Variants in TECPR1 observed in about 807,000 individuals in gnomAD.
The protein encoded by TECPR1 is tectonin beta-propeller repeat-containing protein 1.
Under a neutral mutation model 162.4 loss-of-function variants are expected in TECPR1, and 122 were observed. The observed-to-expected ratio is 0.75, with a 90% confidence interval of 0.65 to 0.87. The LOEUF is 0.87. TECPR1 is among the 40% of genes least tolerant of loss of function. The pLI, the probability that TECPR1 is intolerant of heterozygous loss-of-function variation, is 0.00. For missense variants in TECPR1, 1,432 were observed against 1,618.2 expected (o/e 0.88, Z 1.97); for synonymous variants, 642 against 670.6 (o/e 0.96, Z 0.66).
intron 19 of TECPR1, among the ~76,000 whole-genome samples, chr7:98,223,977 GGGGTCTCCCTGGGGAAGGGGGTC>G (rs1399870768): frequency 2.6e-5 from 4 of 152,058 alleles, no homozygotes; most frequent in Non-Finnish European, 5.9e-5. Flanking sequence ...CCCAGGGGCA[GGGGTCTCCCTGGGGAAGGGGGTC>G]GGGCCTCCCT....
At chr7:98,239,429 C>T (rs1425897953) in intron 8 of TECPR1, among the ~76,000 whole-genome samples, 2 of 152,170 alleles carry the variant, frequency 1.3e-5, no homozygotes, top group Non-Finnish European at 2.9e-5. Context: ...GTGGTACACG[C>T]TTGGAACCCC....
chr7:98,217,554 G>A (rs1562931201), intron 25 of TECPR1, 51 bp from the exon 26 acceptor site: 1 of 1,546,444 alleles, frequency 6.5e-7, no homozygotes, highest in Non-Finnish European at 8.7e-7. Flanking sequence ...CGAGGATCCT[G>A]GAGGGGATCT....
Position 98,244,945 on chromosome 7 carries a change from C to T in TECPR1, c.348G>A (p.Trp116Ter). The part of the protein sequence containing the change: ...LDRVALPSPH[W>*]EWESDWYVDE... ...CCACGTACCAGTCAGACTCCCACTCCCAGTGCGGCGAGGGCAGTGCCACCC... is the reference window on the plus strand; with the variant it reads ...CCACGTACCAGTCAGACTCCCACTCTCAGTGCGGCGAGGGCAGTGCCACCC... The change falls in exon 4 of 26, where the codon TGG (tryptophan) becomes TGA (stop). Residue 116 changes from tryptophan (W) to a stop codon, truncating the protein, a stop_gained. Coordinates refer to ENST00000447648, the MANE Select transcript of TECPR1 (RefSeq NM_015395.3). LOFTEE classifies it high-confidence loss of function. 6.2e-7 allele frequency: 1 copy of T among 1,613,036 alleles called. No homozygotes were observed. The highest frequency in any genetic ancestry group is 8.5e-7 in the Non-Finnish European group (1 of 1,179,866).
chr7:98,251,877 C>T (rs1371366334), intron 1 of TECPR1: 1 of 152,314 alleles, frequency 6.6e-6, no homozygotes, highest in African/African-American at 2.4e-5. Context: ...GGCTCCAGTC[C>T]AAAGGCTGGA....
intron 17 of TECPR1, among the ~76,000 whole-genome samples, chr7:98,227,126 G>C (rs1352297963): frequency 1.3e-5 from 2 of 152,124 alleles, no homozygotes; most frequent in Admixed American, 6.6e-5. Flanking sequence ...AGGTGTGGTG[G>C]CTCGCACCTG....
At chr7:98,244,516 G>A in intron 5 of TECPR1, 55 bp downstream of exon 5, 1 of 1,544,618 alleles carries the variant, frequency 6.5e-7, no homozygotes, top group Non-Finnish European at 8.8e-7. Context: ...GAGGCTGCAT[G>A]TGACACTCTG....
Position 98,228,014 on chromosome 7 carries a change from C to T in TECPR1, c.2513G>A (p.Arg838Lys). The stretch of plus-strand genomic sequence containing the variant: ...CTGGCCGGGCACCTGTGCCACTTAC[C>T]TGCTGGTGTAGCCTGTGACGGGGTT... ...RWNPVTGYTS[R>K]GLPTDRYMWS... is the part of the protein sequence containing the mutation. The change falls in exon 17 of 26, where the codon AGG (arginine) becomes AAG (lysine). Residue 838 changes from arginine (R) to lysine (K), a missense_variant and splice_region_variant. Coordinates refer to ENST00000447648, the MANE Select transcript of TECPR1 (RefSeq NM_015395.3). The T allele has an allele frequency of 1.9e-6, 3 of 1,611,312 alleles. No individual in the cohort carries two copies. The highest frequency in any genetic ancestry group is 2.5e-6 in the Non-Finnish European group (3 of 1,178,968).
Position 98,232,080 on chromosome 7 carries a change from C to T in TECPR1, c.1819-121G>A, listed in dbSNP as rs539438739. On this transcript the variant is annotated intron_variant, in intron 12 of 25. Coordinates refer to ENST00000447648, the MANE Select transcript of TECPR1 (RefSeq NM_015395.3). This position sits in a 1 kb window ranked among gnomAD's most constrained non-coding sequence, Gnocchi z 4.6. ...TGGGGTAGGGCCCACCCAGCACTCC[C>T]GGCTGTCAGCCCAGCTCCCCCTATG... 8.5e-6 allele frequency: 9 copies of T among 1,053,508 alleles called. No individual in the cohort carries two copies. Among genetic ancestry groups the T allele is most frequent in the East Asian group, 7.9e-5 (3 of 38,082 alleles). The allele number at this position is 1,053,508 out of a possible 1,614,324, so 65.3% of individuals were successfully genotyped here.
chr7:98,245,269 T>C (rs1798876070), intron 3 of TECPR1, among the ~76,000 whole-genome samples: 1 of 152,156 alleles, frequency 6.6e-6, no homozygotes, highest in Non-Finnish European at 1.5e-5. Context: ...AGCAAGTACA[T>C]CAGCACAGCC....
chr7:98,217,507 G>A lies in TECPR1; in HGVS notation c.3385-4C>T. The stretch of plus-strand genomic sequence containing the variant: ...CAGAGATATGGTCCCAGCCTCCCTG[G>A]AAGGAGAGAGCTGTGTCACCAGGGG... On this transcript the variant is annotated splice_polypyrimidine_tract_variant and splice_region_variant and intron_variant, in intron 25 of 25. Transcript: ENST00000447648. 1 of 1,595,628 alleles carries A rather than the reference G, an allele frequency of 6.3e-7. No individual in the cohort carries two copies. The highest frequency in any genetic ancestry group is 8.5e-7 in the Non-Finnish European group (1 of 1,171,966).
chr7:98,223,537 T>A, intron 20 of TECPR1, 125 bp downstream of exon 20: 1 of 1,009,440 alleles, frequency 9.9e-7, no homozygotes, highest in Non-Finnish European at 1.5e-6. Context: ...TCCCCACTGC[T>A]TCTTCCCTTG....
In TECPR1 at chr7:98,222,983, C is replaced by T. The variant is rs1167408575; in HGVS notation, c.2928+7G>A. Reference sequence around the variant, plus strand: ...TCAAGAAGAATCTGTCTGGCCCCGGCACTCACCGCAGGGTTGAGCTCCGAC... The same window carrying T: ...TCAAGAAGAATCTGTCTGGCCCCGGTACTCACCGCAGGGTTGAGCTCCGAC... On this transcript the variant is annotated splice_region_variant and intron_variant, in intron 21 of 25. Transcript: ENST00000447648. 5.6e-6 allele frequency: 9 copies of T among 1,611,296 alleles called. No individual in the cohort carries two copies. In the South Asian group the frequency reaches 9.9e-5, roughly 18 times the overall value.
At chr7:98,248,686 A>T (rs57959889) in intron 2 of TECPR1, among the ~76,000 whole-genome samples, 1 of 151,950 alleles carries the variant, frequency 6.6e-6, no homozygotes, top group African/African-American at 2.4e-5. Flanking sequence ...TACTGAAAAA[A>T]AAAGGTGAAA....
chr7:98,229,022 C>A lies in TECPR1; in HGVS notation c.2410+17G>T. 1 of 1,598,136 alleles carries A rather than the reference C, an allele frequency of 6.3e-7. No homozygotes were observed. The highest frequency in any genetic ancestry group is 8.5e-7 in the Non-Finnish European group (1 of 1,172,100). ...AACGCCCAGGAAGGCTCCGGGGGGG[C>A]TGTGGGCCGCCCTCACCTTGGAAGC... On this transcript the variant is annotated intron_variant, in intron 16 of 25. Transcript: ENST00000447648.
chr7:98,236,825 C>A lies in TECPR1; in HGVS notation c.1132G>T (p.Ala378Ser). The change falls in exon 10 of 26, where the codon GCC becomes TCC. Residue 378 changes from alanine to serine, a missense_variant. By Grantham distance (99) the Ala-to-Ser change is moderately conservative. Coordinates refer to ENST00000447648, the MANE Select transcript of TECPR1 (RefSeq NM_015395.3). ...GAGTGTGACCGGTCACACTCTCGGG[C>A]CGCGATGATGGCTTTCCAGGTCTTC... Reference protein sequence around the residue: ...SGKTWKAIIAARECDRSHSGS... With the variant: ...SGKTWKAIIASRECDRSHSGS... 6.3e-7 allele frequency: 1 copy of A among 1,588,356 alleles called. No individual in the cohort carries two copies. The highest frequency in any genetic ancestry group is 1.2e-5 in the South Asian group (1 of 86,874).
At chr7:98,228,650 G>T (rs937982168) in intron 16 of TECPR1, 3 of 215,786 alleles carry the variant, frequency 1.4e-5, no homozygotes, top group African/African-American at 2.2e-5. Context: ...GCTGCGGCCT[G>T]GAACGCCCCG....
Position 98,225,050 on chromosome 7 carries a change from A to G in TECPR1, c.2566T>C (p.Cys856Arg). 8 of 1,562,240 alleles carry G rather than the reference A, an allele frequency of 5.1e-6. No individual in the cohort carries two copies. The highest frequency in any genetic ancestry group is 6.1e-6 in the Non-Finnish European group (7 of 1,155,846). Residue 856 changes from cysteine to arginine, a missense_variant, in exon 18 of 26, where the codon TGC becomes CGC. Cys to Arg is a radical substitution (Grantham distance 180). Transcript: ENST00000447648. ...GGGGGCTTCGTGCCAGCCTTCGTGCACTCCTGCAGCCCCGAGGCATCGCTC... is the reference window on the plus strand; with the variant it reads ...GGGGGCTTCGTGCCAGCCTTCGTGCGCTCCTGCAGCCCCGAGGCATCGCTC... Reference protein sequence around the residue: ...MWSDASGLQECTKAGTKPPSL... With the variant: ...MWSDASGLQERTKAGTKPPSL...
rs939543262 is a variant in TECPR1 at position 98,225,612 on chromosome 7, TTCTC to T, written c.2514-514_2514-511del. ...ATGCATAGAGGGGAAAAGACTTTCT[TTCTC>T]TCTTTCTTTCCCTTTCTCTCTTGCT... On this transcript the variant is annotated intron_variant, in intron 17 of 25. Transcript: ENST00000447648. 7.9e-5 allele frequency among the ~76,000 whole-genome samples: 12 copies of T among 152,036 alleles called. 1 individual carries two copies. In the South Asian group the frequency reaches 1.5e-3, roughly 18 times the overall value.
At chr7:98,240,371 A>G (rs549117993) in intron 8 of TECPR1, among the ~76,000 whole-genome samples, 2 of 152,206 alleles carry the variant, frequency 1.3e-5, no homozygotes, top group African/African-American at 4.8e-5. Context: ...ATTGGCAACA[A>G]TTTCAGCAAC....
Sources: gnomAD v4.1 joint callset for allele counts (sites outside exome capture counted in the v4.1 genomes callset) on GRCh38, gnomAD v4.1.1 for gene constraint, Gnocchi (gnomAD v3.1) non-coding constraint, MANE v1.5 for transcripts, NCBI Gene and HGNC (gene_info 2026-07-23, HGNC 2026-07-21) for gene names.